The following MGLL variants were observed in gnomAD, a reference collection of about 807,000 sequenced individuals.
MGLL encodes the protein lysophospholipase homolog.
Under a neutral mutation model 29.1 loss-of-function variants are expected in MGLL, and 7 were observed. The ratio of observed to expected loss-of-function variants is 0.24; its 90% CI spans 0.14 to 0.45. The LOEUF (loss-of-function observed/expected upper bound fraction) is 0.45. Among genes scored for constraint, MGLL ranks in the 20% least tolerant of loss-of-function variants. The pLI is 0.99. For missense variants in MGLL, 356 were observed against 413.6 expected (o/e 0.86, Z 1.21); for synonymous variants, 148 against 168.3 (o/e 0.88, Z 0.93).
chr3:127,720,044 T>C (rs9811688), intron 5 of MGLL, among the ~76,000 whole-genome samples: 40,655 of 152,032 alleles, frequency 0.27, 5,535 homozygotes, highest in Middle Eastern at 0.5. Context: ...AGGAAACCCT[T>C]TGAGGATGTT....
Position 127,821,776 on chromosome 3 carries a change from G to A in MGLL, c.73C>T (p.Pro25Ser). The A allele has an allele frequency of 6.2e-7, 1 of 1,614,132 alleles. No homozygotes were observed. The highest frequency in any genetic ancestry group is 1.1e-5 in the South Asian group (1 of 91,078). Residue 25 changes from proline to serine, a missense_variant, in exon 2 of 8, where the codon CCC becomes TCC. Coordinates refer to ENST00000265052, the MANE Select transcript of MGLL (RefSeq NM_007283.7). The part of the protein sequence containing the change: ...SSPRRTPQSI[P>S]YQDLPHLVNA... The stretch of plus-strand genomic sequence containing the variant: ...ACCAGGTGAGGGAGGTCCTGGTAGG[G>A]AATGCTCTGCGGGGTCCGCCTGGGG...
chr3:127,705,471 A>T (rs748863306), intron 6 of MGLL, among the ~76,000 whole-genome samples: 6 of 152,174 alleles, frequency 3.9e-5, no homozygotes, highest in Admixed American at 3.9e-4. Flanking sequence ...CTGAACAAAC[A>T]TTTCTCTAAA....
chr3:127,750,560 A>C (rs1369249767), intron 3 of MGLL, among the ~76,000 whole-genome samples: 3 of 152,140 alleles, frequency 2.0e-5, no homozygotes, highest in Non-Finnish European at 4.4e-5. Context: ...CCTGGGACTC[A>C]CAGGGAACAG....
intron 2 of MGLL, among the ~76,000 whole-genome samples, chr3:127,784,967 G>A (rs369843411): frequency 1.3e-5 from 2 of 152,220 alleles, no homozygotes; most frequent in South Asian, 4.1e-4. Flanking sequence ...CCCTGCTCCC[G>A]AGCTCCGAGG....
intron 3 of MGLL, among the ~76,000 whole-genome samples, chr3:127,781,256 G>A (rs570311896): frequency 1.6e-4 from 25 of 152,302 alleles, no homozygotes; most frequent in South Asian, 6.2e-4. Flanking sequence ...GTATGTATAT[G>A]TGTATGTGTG....
chr3:127,821,604 C>T (rs2077861230), intron 2 of MGLL, 90 bp downstream of exon 2: 2 of 1,507,958 alleles, frequency 1.3e-6, no homozygotes, highest in East Asian at 2.3e-5. Context: ...AGAAAGCGGC[C>T]CCGCCCCAGA....
intron 6 of MGLL, among the ~76,000 whole-genome samples, chr3:127,696,925 C>G (rs1372674193): frequency 2.0e-5 from 3 of 152,198 alleles, no homozygotes; most frequent in Non-Finnish European, 4.4e-5. Context: ...CTGCTGCCAC[C>G]CCTACAAGGC....
chr3:127,800,199 C>A (rs1164300870), intron 2 of MGLL, among the ~76,000 whole-genome samples: 1 of 152,200 alleles, frequency 6.6e-6, no homozygotes, highest in Non-Finnish European at 1.5e-5. Context: ...ATGGAAGGAA[C>A]CTAGGTCCCT....
At chr3:127,805,990 T>A (rs1429469592) in intron 2 of MGLL, among the ~76,000 whole-genome samples, 1 of 152,254 alleles carries the variant, frequency 6.6e-6, no homozygotes, top group East Asian at 1.9e-4. Flanking sequence ...TGCAGCCCTC[T>A]GAGGTTAAGC....
At chr3:127,730,575 C>T (rs1268078843) in intron 3 of MGLL, among the ~76,000 whole-genome samples, 2 of 152,076 alleles carry the variant, frequency 1.3e-5, no homozygotes, top group African/African-American at 2.4e-5. Context: ...GTGCAGCTTC[C>T]GGAAGAGGAG....
At chr3:127,696,485 C>T (rs1011756716) in intron 6 of MGLL, among the ~76,000 whole-genome samples, 10 of 130,674 alleles carry the variant, frequency 7.7e-5, no homozygotes, top group African/African-American at 2.8e-4. Context: ...ACGATCTTGG[C>T]TCGCTGCAGC....
rs1430360384 is a variant in MGLL at position 127,691,793 on chromosome 3, G to A, written c.*405C>T. 7.4e-6 allele frequency: 2 copies of A among 268,610 alleles called. No individual in the cohort carries two copies. Among genetic ancestry groups the A allele is most frequent in the African/African-American group, 2.3e-5 (1 of 43,462 alleles). 16.6% of individuals were successfully genotyped at this position (268,610 alleles called of 1,614,324 possible). On this transcript the variant is annotated 3_prime_UTR_variant, in exon 8 of 8. Coordinates refer to ENST00000265052, the MANE Select transcript of MGLL (RefSeq NM_007283.7). Reference sequence around the variant, plus strand: ...CAAGCGGAGGCTGGTCAGAGAGGGCGCTGGGGCGTGAGCGAAGGGTGGGCA... The same window carrying A: ...CAAGCGGAGGCTGGTCAGAGAGGGCACTGGGGCGTGAGCGAAGGGTGGGCA...
chr3:127,792,657 C>T (rs1487824481), intron 2 of MGLL, among the ~76,000 whole-genome samples: 1 of 151,846 alleles, frequency 6.6e-6, no homozygotes, highest in Non-Finnish European at 1.5e-5. Flanking sequence ...GAGACGAGAT[C>T]GCGCCATTGC....
At chr3:127,791,421 CATGT>C (rs2077298769) in intron 2 of MGLL, among the ~76,000 whole-genome samples, 1 of 152,238 alleles carries the variant, frequency 6.6e-6, no homozygotes, top group South Asian at 2.1e-4. Flanking sequence ...GCTCACATTT[CATGT>C]CCTGATGATT....
intron 3 of MGLL, among the ~76,000 whole-genome samples, chr3:127,755,089 A>G (rs1335066091): frequency 6.6e-6 from 1 of 152,250 alleles, no homozygotes; most frequent in Non-Finnish European, 1.5e-5. Flanking sequence ...GGTCCTTGCC[A>G]TTGCGGGGGC....
chr3:127,796,551 G>A (rs1000592423), intron 2 of MGLL, among the ~76,000 whole-genome samples: 3 of 152,156 alleles, frequency 2.0e-5, no homozygotes, highest in African/African-American at 4.8e-5. Context: ...TCCCTGCTGC[G>A]TGATTAGTGG....
intron 2 of MGLL, among the ~76,000 whole-genome samples, chr3:127,805,448 G>A (rs1434034312): frequency 6.6e-6 from 1 of 152,172 alleles, no homozygotes; most frequent in Non-Finnish European, 1.5e-5. Flanking sequence ...ACCTATGGAG[G>A]GTGAATGGGG....
At chr3:127,764,575 A>C (rs1050908170) in intron 3 of MGLL, among the ~76,000 whole-genome samples, 1 of 152,212 alleles carries the variant, frequency 6.6e-6, no homozygotes, top group Non-Finnish European at 1.5e-5. Flanking sequence ...ACCTACTCCA[A>C]GGCTGTAATG....
At chr3:127,784,444 T>C (rs1377627739) in intron 2 of MGLL, among the ~76,000 whole-genome samples, 1 of 152,194 alleles carries the variant, frequency 6.6e-6, no homozygotes, top group African/African-American at 2.4e-5. Context: ...GCAGCCATCG[T>C]AGAAACTTAG....
Sources: allele counts gnomAD v4.1 joint callset (sites outside exome capture counted in the v4.1 genomes callset), GRCh38; gene constraint gnomAD v4.1.1; transcripts MANE v1.5; gene names NCBI Gene and HGNC (gene_info 2026-07-23, HGNC 2026-07-21).